OPCML: variants seen among roughly 807,000 people sequenced by gnomAD.
OPCML encodes opioid-binding protein/cell adhesion molecule.
In OPCML, 13 loss-of-function variants were observed where a neutral mutation model predicts 37.8. The ratio of observed to expected loss-of-function variants is 0.34; its 90% CI spans 0.22 to 0.55. The LOEUF (loss-of-function observed/expected upper bound fraction) is 0.55. OPCML is among the 20% of genes least tolerant of loss of function. OPCML has a pLI of 0.91. For missense variants in OPCML, 341 were observed against 435.6 expected, an observed-to-expected ratio of 0.78 and a Z score of 1.93; for synonymous variants, 176 against 168.8, an observed-to-expected ratio of 1.04 and a Z score of -0.33.
intron 3 of OPCML, among the ~76,000 whole-genome samples, chr11:132,570,804 T>TAGAGAGAGAGAGAGAGAGAGAG (rs1203341702): frequency 2.0e-4 from 18 of 90,756 alleles, no homozygotes; most frequent in African/African-American, 4.0e-4. Context: ...TATATATATT[T>TAGAGAGAGAGAGAGAGAGAGAG]AGAGAGAGAG....
intron 3 of OPCML, among the ~76,000 whole-genome samples, chr11:132,654,612 C>A (rs193258713): frequency 6.7e-6 from 1 of 149,466 alleles, no homozygotes; most frequent in Non-Finnish European, 1.5e-5. Flanking sequence ...AAGCTCCTCC[C>A]CAAGAGAAGC....
intron 1 of OPCML, among the ~76,000 whole-genome samples, chr11:133,079,783 T>G (rs539009859): frequency 1.3e-5 from 2 of 152,074 alleles, no homozygotes; most frequent in Non-Finnish European, 2.9e-5. Flanking sequence ...GACCTATATG[T>G]TCCCCAAGGT....
At chr11:133,286,200 C>T (rs1565549452) in intron 1 of OPCML, among the ~76,000 whole-genome samples, 1 of 152,114 alleles carries the variant, frequency 6.6e-6, no homozygotes, top group Non-Finnish European at 1.5e-5. Context: ...CCTGCAATTC[C>T]AGCACTTTGG....
intron 2 of OPCML, among the ~76,000 whole-genome samples, chr11:132,850,665 T>C: frequency 6.6e-6 from 1 of 152,202 alleles, no homozygotes; most frequent in East Asian, 1.9e-4. Context: ...CAGAAAAGGC[T>C]TGTATTTACA....
intron 1 of OPCML, among the ~76,000 whole-genome samples, chr11:133,499,791 C>CAT (rs1307202102): frequency 7.9e-5 from 11 of 139,554 alleles, no homozygotes; most frequent in Non-Finnish European, 1.4e-4. Flanking sequence ...TATATATACA[C>CAT]ATATATATAT....
chr11:133,472,660 C>T (rs1356197531), intron 1 of OPCML, among the ~76,000 whole-genome samples: 6 of 151,816 alleles, frequency 4.0e-5, no homozygotes, highest in African/African-American at 1.5e-4. Context: ...AAATAGTCCT[C>T]GGATCCAGAA....
intron 1 of OPCML, among the ~76,000 whole-genome samples, chr11:132,957,995 C>T (rs1051191305): frequency 2.6e-5 from 4 of 152,150 alleles, no homozygotes; most frequent in African/African-American, 9.7e-5. Context: ...ACATTCCTCG[C>T]TTCAAATAAA....
At chr11:133,268,824 A>G (rs185649859) in intron 1 of OPCML, among the ~76,000 whole-genome samples, 21 of 152,348 alleles carry the variant, frequency 1.4e-4, no homozygotes, top group East Asian at 5.8e-4. Flanking sequence ...AATTTTTCCT[A>G]TAACATAGAA....
chr11:132,476,075 A>T (rs2096154416), intron 4 of OPCML, among the ~76,000 whole-genome samples: 1 of 152,196 alleles, frequency 6.6e-6, no homozygotes, highest in Admixed American at 6.5e-5. Flanking sequence ...ACTATGTAAG[A>T]TACATATACA....
chr11:133,312,633 TG>T (rs1943092250), intron 1 of OPCML, among the ~76,000 whole-genome samples: 1 of 152,224 alleles, frequency 6.6e-6, no homozygotes, highest in African/African-American at 2.4e-5. Flanking sequence ...GAAAGTGTAT[TG>T]TCTCAAGATT....
intron 1 of OPCML, among the ~76,000 whole-genome samples, chr11:133,523,349 G>C (rs1469281803): frequency 6.6e-6 from 1 of 152,114 alleles, no homozygotes; most frequent in East Asian, 1.9e-4. Flanking sequence ...AGGAGTGTTG[G>C]TGCTGACAGT....
chr11:133,506,411 G>A (rs746556627), intron 1 of OPCML, among the ~76,000 whole-genome samples: 47 of 152,172 alleles, frequency 3.1e-4, no homozygotes, highest in African/African-American at 6.0e-4. Context: ...GGTAATGAGC[G>A]CGGGGGCTCA....
At chr11:132,643,924 A>G (rs1049575475) in intron 3 of OPCML, among the ~76,000 whole-genome samples, 2 of 152,228 alleles carry the variant, frequency 1.3e-5, no homozygotes, top group African/African-American at 4.8e-5. Context: ...GAAAGAGACC[A>G]AACTTTTTGT....
intron 1 of OPCML, among the ~76,000 whole-genome samples, chr11:133,479,758 A>T (rs1393995466): frequency 1.3e-5 from 2 of 152,122 alleles, no homozygotes; most frequent in African/African-American, 2.4e-5. Context: ...ACCACAGAGG[A>T]CCACACACAC....
intron 1 of OPCML, among the ~76,000 whole-genome samples, chr11:133,125,769 GAC>G (rs1348484129): frequency 1.7e-4 from 15 of 88,790 alleles, no homozygotes; most frequent in Non-Finnish European, 3.0e-4. Context: ...TGTATATATA[GAC>G]ACATGTATAT....
intron 1 of OPCML, among the ~76,000 whole-genome samples, chr11:133,233,681 G>A (rs1940388725): frequency 6.6e-6 from 1 of 152,030 alleles, no homozygotes; most frequent in Admixed American, 6.6e-5. Flanking sequence ...TGGTATATAA[G>A]TCTCAAGTCT....
chr11:132,951,022 C>T (rs897898860), intron 1 of OPCML, among the ~76,000 whole-genome samples: 1 of 152,132 alleles, frequency 6.6e-6, no homozygotes, highest in Non-Finnish European at 1.5e-5. Flanking sequence ...GGACTGTGTG[C>T]CTGCGCTCTA....
chr11:133,095,288 T>G (rs797005884), intron 1 of OPCML, among the ~76,000 whole-genome samples: 4 of 144,494 alleles, frequency 2.8e-5, no homozygotes, highest in Non-Finnish European at 6.0e-5. Context: ...TTTTTTTTTT[T>G]TTTTTTTTTT....
intron 1 of OPCML, among the ~76,000 whole-genome samples, chr11:133,529,788 A>G (rs1417982155): frequency 6.6e-6 from 1 of 152,098 alleles, no homozygotes; most frequent in African/African-American, 2.4e-5. Flanking sequence ...TGAAACAAAG[A>G]AAAAAAAGTC....
Sources: gnomAD v4.1 joint callset for allele counts (sites outside exome capture counted in the v4.1 genomes callset) on GRCh38, gnomAD v4.1.1 for gene constraint, MANE v1.5 for transcripts, NCBI Gene and HGNC (gene_info 2026-07-23, HGNC 2026-07-21) for gene names.